Variants in DSCAML1 observed in about 807,000 individuals in gnomAD.
DSCAML1 encodes DS cell adhesion molecule like 1, also known as cell adhesion molecule DSCAML1.
In DSCAML1, 38 loss-of-function variants were observed where a neutral mutation model predicts 200.5. The ratio of observed to expected loss-of-function variants is 0.19; its 90% confidence interval spans 0.15 to 0.25. The LOEUF (loss-of-function observed/expected upper bound fraction) is 0.25, where lower values mean the gene tolerates loss of function less well. Ranked by LOEUF, DSCAML1 falls within the 10% of genes least tolerant of loss-of-function variation. The pLI is 1.00. For missense variants in DSCAML1, 2,223 were observed against 2,858.8 expected, an observed-to-expected ratio of 0.78 and a Z score of 5.07; for synonymous variants, 1,215 against 1,165.0, an observed-to-expected ratio of 1.04 and a Z score of -0.87.
intron 3 of DSCAML1, among the ~76,000 whole-genome samples, chr11:117,694,602 AAGG>A (rs1362216320): frequency 6.6e-6 from 1 of 152,074 alleles, no homozygotes; most frequent in African/African-American, 2.4e-5. Flanking sequence ...CCATCTAGCC[AAGG>A]AGGTGAGAAA....
intron 21 of DSCAML1, among the ~76,000 whole-genome samples, chr11:117,440,346 C>T (rs1472988080): frequency 2.6e-5 from 4 of 152,104 alleles, no homozygotes; most frequent in African/African-American, 7.2e-5. Flanking sequence ...GTGGAGGCAA[C>T]GGCCGGGAAT....
chr11:117,432,000 G>C (rs935516862), intron 30 of DSCAML1, among the ~76,000 whole-genome samples: 8 of 152,118 alleles, frequency 5.3e-5, no homozygotes, highest in African/African-American at 1.9e-4. Context: ...GTCCTTTCCT[G>C]CTGCCTCCTG....
At chr11:117,605,120 C>A (rs2051538956) in intron 3 of DSCAML1, among the ~76,000 whole-genome samples, 1 of 152,176 alleles carries the variant, frequency 6.6e-6, no homozygotes, top group South Asian at 2.1e-4. Context: ...CCTCAAACTC[C>A]TGGGCTCACG....
intron 3 of DSCAML1, among the ~76,000 whole-genome samples, chr11:117,610,112 T>C (rs1474368409): frequency 6.6e-6 from 1 of 152,190 alleles, no homozygotes; most frequent in Non-Finnish European, 1.5e-5. Flanking sequence ...GCATCTGGAC[T>C]TTCAAGCTGT....
At chr11:117,624,536 T>C (rs984798333) in intron 3 of DSCAML1, among the ~76,000 whole-genome samples, 8 of 152,136 alleles carry the variant, frequency 5.3e-5, no homozygotes, top group Admixed American at 5.2e-4. Context: ...TGGCCTTTTT[T>C]TATGGCTTGA....
chr11:117,450,563 C>G lies in DSCAML1; in HGVS notation c.3694G>C (p.Gly1232Arg), dbSNP rs200813659. The G allele has an allele frequency of 1.1e-5, 17 of 1,614,034 alleles. No individual in the cohort carries two copies. Among genetic ancestry groups the G allele is most frequent in the Admixed American group, 1.7e-5 (1 of 60,022 alleles). Residue 1232 changes from glycine to arginine, a missense_variant, in exon 20 of 33, where the codon GGG becomes CGG. Gly to Arg is a moderately radical substitution (Grantham distance 125, BLOSUM62 -2). This residue lies in a region of DSCAML1 where 614 missense variants were observed against 739.1 expected (regional missense o/e 0.83). Transcript: ENST00000651296. ...RKYTIFCSSP[G>R]SGQPAPSEYE... ...AACTCACTTACCGGCTGGCCAGACC[C>G]GGGGCTGGAACAGAAGATGGTGTAC...
rs563243109 is a variant in DSCAML1 at position 117,508,373 on chromosome 11, T to C, written c.1784-2641A>G. On this transcript the variant is annotated intron_variant, in intron 8 of 32. Transcript: ENST00000651296. Reference sequence around the variant, plus strand: ...GGGTAACTCCCTATATAAGTCCTTATATAACTAGGACTTATTCACCCAGCA... The same window carrying C: ...GGGTAACTCCCTATATAAGTCCTTACATAACTAGGACTTATTCACCCAGCA... Among the ~76,000 whole-genome samples, 249 of 152,190 alleles carry C rather than the reference T, an allele frequency of 1.6e-3. 2 individuals are homozygous for C. Among genetic ancestry groups the C allele is most frequent in the African/African-American group, 5.6e-3 (232 of 41,526 alleles).
At chr11:117,454,949 C>T (rs2048345880) in intron 19 of DSCAML1, among the ~76,000 whole-genome samples, 1 of 152,190 alleles carries the variant, frequency 6.6e-6, no homozygotes, top group African/African-American at 2.4e-5. Flanking sequence ...AGGCCCTGAC[C>T]TCTAGCTCAT....
chr11:117,443,221 G>C (rs1200752305), intron 21 of DSCAML1, among the ~76,000 whole-genome samples: 1 of 152,200 alleles, frequency 6.6e-6, no homozygotes. Flanking sequence ...AGAGGCAGAC[G>C]CTCAGCCTTG....
chr11:117,668,404 T>C (rs2137663626), intron 3 of DSCAML1: 1 of 152,342 alleles, frequency 6.6e-6, no homozygotes, highest in South Asian at 2.1e-4. Context: ...GGGAGTCTGG[T>C]GCAAGCTCTC....
At chr11:117,631,568 G>C (rs138816501) in intron 3 of DSCAML1, among the ~76,000 whole-genome samples, 53 of 152,330 alleles carry the variant, frequency 3.5e-4, no homozygotes, top group African/African-American at 1.3e-3. Context: ...TGTCTTCAGG[G>C]ACAGTTACAT....
chr11:117,440,920 CAAAAAAA>C (rs1170541792), intron 21 of DSCAML1, among the ~76,000 whole-genome samples: 5 of 41,094 alleles, frequency 1.2e-4, no homozygotes, highest in South Asian at 1.0e-3. Flanking sequence ...GACTCTGTCT[CAAAAAAA>C]AAAAAAAAAA....
intron 3 of DSCAML1, among the ~76,000 whole-genome samples, chr11:117,577,387 T>C (rs1193673823): frequency 7.2e-6 from 1 of 138,618 alleles, no homozygotes; most frequent in African/African-American, 2.6e-5. Context: ...TTTCCTTCCT[T>C]CCTCCCTCCC....
At chr11:117,595,858 G>A (rs1247796975) in intron 3 of DSCAML1, among the ~76,000 whole-genome samples, 2 of 152,128 alleles carry the variant, frequency 1.3e-5, no homozygotes, top group Admixed American at 1.3e-4. Flanking sequence ...ACCTCCCAAA[G>A]TAGAGGGATA....
At chr11:117,670,946 G>A (rs185631158) in intron 3 of DSCAML1, among the ~76,000 whole-genome samples, 59 of 152,262 alleles carry the variant, frequency 3.9e-4, no homozygotes, top group African/African-American at 1.2e-3. Flanking sequence ...AAGTTGGACC[G>A]GAATTCCTTT....
rs893546960 is a variant in DSCAML1, at chr11:117,489,458, G to T, written c.2360-7296C>A. Among the ~76,000 whole-genome samples, 1 of 152,210 alleles carries T rather than the reference G, an allele frequency of 6.6e-6. No homozygotes were observed. The highest frequency in any genetic ancestry group is 1.5e-5 in the Non-Finnish European group (1 of 68,032). On this transcript the variant is annotated intron_variant, in intron 11 of 32. Coordinates refer to ENST00000651296, the MANE Select transcript of DSCAML1 (RefSeq NM_020693.4). This position sits in a 1 kb window ranked among gnomAD's most constrained non-coding sequence, Gnocchi z 4.8. The stretch of plus-strand genomic sequence containing the variant: ...AAATCTGATTTCTCTTTACAAACGG[G>T]TGCAGGGGAGACTTTCTGGGGACTT...
intron 3 of DSCAML1, among the ~76,000 whole-genome samples, chr11:117,686,802 A>G (rs2053407637): frequency 6.6e-6 from 1 of 152,236 alleles, no homozygotes; most frequent in Non-Finnish European, 1.5e-5. Context: ...CCAGGCCACC[A>G]GGTGAAGCTC....
At chr11:117,433,010 T>G in intron 29 of DSCAML1, 128 bp downstream of exon 29, 1 of 770,332 alleles carries the variant, frequency 1.3e-6, no homozygotes, top group East Asian at 2.7e-5. Flanking sequence ...CTAAGGTTGT[T>G]GAGTGGTTGA....
chr11:117,457,471 C>G (rs2048394418), intron 19 of DSCAML1, among the ~76,000 whole-genome samples: 1 of 152,208 alleles, frequency 6.6e-6, no homozygotes. Flanking sequence ...GGCCCTGAGG[C>G]CTCAGATGGG....
Sources: gnomAD v4.1 joint callset for allele counts (sites outside exome capture counted in the v4.1 genomes callset) on GRCh38, gnomAD v4.1.1 for gene constraint, gnomAD v4.1.1 regional missense constraint, Gnocchi (gnomAD v3.1) non-coding constraint, MANE v1.5 for transcripts, NCBI Gene and HGNC (gene_info 2026-07-23, HGNC 2026-07-21) for gene names.